Variants in COL6A3 observed in about 807,000 individuals in gnomAD.
The protein encoded by COL6A3 is collagen type VI alpha 3 chain.
Under a neutral mutation model 274.1 loss-of-function variants are expected in COL6A3, and 137 were observed. The ratio of observed to expected loss-of-function variants is 0.50; its 90% CI spans 0.44 to 0.58. The LOEUF (loss-of-function observed/expected upper bound fraction) is 0.58, where lower values mean the gene tolerates loss of function less well. COL6A3 is among the 20% of genes least tolerant of loss of function. COL6A3 has a pLI of 0.00. For synonymous variants in COL6A3, 1,650 were observed against 1,650.6 expected, an observed-to-expected ratio of 1.00 and a Z score of 0.01; for missense variants, 3,950 against 4,124.9, an observed-to-expected ratio of 0.96 and a Z score of 1.16.
rs2077622262 is a variant in COL6A3 at position 237,369,018 on chromosome 2, T to C, written c.4445A>G (p.Asn1482Ser). ...KVRVGVVQFS[N>S]DVFPEFYLKT... ...CAGATAGAATTCTGGGAAGACATCA[T>C]TGCTGAACTGCACGACCCCAACTCT... Residue 1482 changes from asparagine (N) to serine (S), a missense_variant, in exon 10 of 44, where the codon AAT becomes AGT. Coordinates refer to ENST00000295550, the MANE Select transcript of COL6A3 (RefSeq NM_004369.4). 6.2e-7 allele frequency: 1 copy of C among 1,614,224 alleles called. No individual in the cohort carries two copies. Among genetic ancestry groups the C allele is most frequent in the Admixed American group, 1.7e-5 (1 of 60,024 alleles).
At chr2:237,352,419 GGAGGTCTGTCTACAATAGCATCATCCGA>G in intron 26 of COL6A3, 75 bp downstream of exon 26, 1 of 1,138,958 alleles carries the variant, frequency 8.8e-7, no homozygotes, top group African/African-American at 1.5e-5. Flanking sequence ...AGAGCTAAAG[GGAGGTCTGTCTACAATAGCATCATCCGA>G]GAAACTCTCT....
chr2:237,347,198 C>T (rs866636364), intron 31 of COL6A3, among the ~76,000 whole-genome samples: 5 of 151,770 alleles, frequency 3.3e-5, no homozygotes, highest in South Asian at 2.1e-4. Flanking sequence ...TCGCTTGATC[C>T]CAGGAGATGG....
intron 24 of COL6A3, 151 bp downstream of exon 24, chr2:237,354,748 G>A: frequency 1.5e-6 from 1 of 672,894 alleles, no homozygotes; most frequent in Non-Finnish European, 2.5e-6. Context: ...TCACGGGCAT[G>A]TCTTTAACCT....
At chr2:237,337,843 C>T (rs757271125) in intron 39 of COL6A3, among the ~76,000 whole-genome samples, 2 of 152,048 alleles carry the variant, frequency 1.3e-5, no homozygotes, top group Non-Finnish European at 2.9e-5. Flanking sequence ...CAGGCAGCAG[C>T]ATCGGCATGG....
chr2:237,340,685 G>A lies in COL6A3; in HGVS notation c.8231C>T (p.Thr2744Met), dbSNP rs373680762. The A allele has an allele frequency of 2.5e-5, 40 of 1,614,064 alleles. No individual in the cohort carries two copies. The highest frequency in any genetic ancestry group is 6.7e-5 in the African/African-American group (5 of 74,918). The change falls in exon 38 of 44, where the codon ACG (threonine) becomes ATG (methionine). Residue 2744 changes from threonine to methionine, a missense_variant. This residue lies in a region of COL6A3 where 1,284 missense variants were observed against 1,349.7 expected (regional missense o/e 0.95). Coordinates refer to ENST00000295550, the MANE Select transcript of COL6A3 (RefSeq NM_004369.4). ...CAGCTGCTGCTCCGGCACCTCGCCC[G>A]TCAGCATCAGGACCACAATTTTCAG... The part of the protein sequence containing the change: ...RDLKIVVLML[T>M]GEVPEQQLEE...
At position 237,344,259 on chromosome 2, in the gene COL6A3, A is replaced by T; in HGVS notation, c.7668+91T>A. The T allele has an allele frequency of 6.3e-7, 1 of 1,595,760 alleles. No homozygotes were observed. Among genetic ancestry groups the T allele is most frequent in the Non-Finnish European group, 8.6e-7 (1 of 1,166,248 alleles). On this transcript the variant is annotated intron_variant, in intron 36 of 43. Transcript: ENST00000295550. The surrounding 1 kb of genome is among the most constrained non-coding windows in gnomAD (Gnocchi z 4.8). ...GGGGACGTTTTAGGAGCTATGGGAC[A>T]TGAAGCCACAAAGGAGCATGGACGT...
intron 41 of COL6A3, among the ~76,000 whole-genome samples, 188 bp from the exon 42 acceptor site, chr2:237,333,736 G>A (rs754505303): frequency 1.1e-4 from 16 of 152,188 alleles, no homozygotes; most frequent in Admixed American, 3.9e-4. Flanking sequence ...TTGGATCCAT[G>A]AGCTAATAAG....
intron 24 of COL6A3, among the ~76,000 whole-genome samples, chr2:237,354,343 C>A (rs2077271357): frequency 1.3e-5 from 2 of 151,440 alleles, no homozygotes; most frequent in Admixed American, 1.3e-4. Context: ...AAGCTGAATA[C>A]CTCCCTCACA....
rs778048349 is a variant in COL6A3 at position 237,354,881 on chromosome 2, G to A, written c.6627+18C>T. 3 of 1,611,742 alleles carry A rather than the reference G, an allele frequency of 1.9e-6. No homozygotes were observed. Among genetic ancestry groups the A allele is most frequent in the African/African-American group, 2.7e-5 (2 of 74,894 alleles). ...GCTGTTTGAAGAGAGTCTCCAGGGG[G>A]CACTGCATGAGGCTCACCTTAGCTC... On this transcript the variant is annotated intron_variant, in intron 24 of 43. Coordinates refer to ENST00000295550, the MANE Select transcript of COL6A3 (RefSeq NM_004369.4).
At chr2:237,333,908 A>G (rs560706889) in intron 41 of COL6A3, among the ~76,000 whole-genome samples, 2 of 152,272 alleles carry the variant, frequency 1.3e-5, no homozygotes, top group African/African-American at 4.8e-5. Context: ...CCTTTCCTCA[A>G]GCTGGTTCCT....
At position 237,336,234 on chromosome 2, in the gene COL6A3, C is replaced by T. The variant is rs773820329; in HGVS notation, c.8866G>A (p.Ala2956Thr). ...GCCACTGGTTTTGCAGCAGCAGCAG[C>T]GGGGGGTCTTACAGCTGCTGGCTTT... ...AAKPAAVRPP[A>T]AAAAKPVATK... Residue 2956 changes from alanine (A) to threonine (T), a missense_variant, in exon 40 of 44, where the codon GCT becomes ACT. This residue lies in a region of COL6A3 where 1,284 missense variants were observed against 1,349.7 expected (regional missense o/e 0.95). Coordinates refer to ENST00000295550, the MANE Select transcript of COL6A3 (RefSeq NM_004369.4). 1.5e-5 allele frequency: 24 copies of T among 1,613,240 alleles called. No homozygotes were observed. Among genetic ancestry groups the T allele is most frequent in the African/African-American group, 2.7e-5 (2 of 75,024 alleles).
intron 3 of COL6A3, among the ~76,000 whole-genome samples, chr2:237,390,616 T>C (rs1036800394): frequency 2.0e-5 from 3 of 152,252 alleles, no homozygotes; most frequent in Non-Finnish European, 2.9e-5. Context: ...AGTTTTACAG[T>C]GTCCAAGGAA....
rs375729697 is a variant in COL6A3 at position 237,324,752 on chromosome 2, A to G, written c.*22T>C. 1.5e-5 allele frequency: 24 copies of G among 1,613,150 alleles called. No homozygotes were observed. In the African/African-American group the frequency reaches 2.8e-4, roughly 19 times the overall value. On this transcript the variant is annotated 3_prime_UTR_variant, in exon 44 of 44. Transcript: ENST00000295550. Reference sequence around the variant, plus strand: ...GCTGACTCCTTCTTCTTCAAGAGGTATATGATGTTGGCCACCCACGCTTAG... The same window carrying G: ...GCTGACTCCTTCTTCTTCAAGAGGTGTATGATGTTGGCCACCCACGCTTAG...
intron 16 of COL6A3, 80 bp from the exon 17 acceptor site, chr2:237,360,239 G>C: frequency 7.3e-7 from 1 of 1,377,172 alleles, no homozygotes; most frequent in East Asian, 2.3e-5. Context: ...CAGCGTAAAG[G>C]GTACTGTGAA....
chr2:237,350,323 G>C, intron 27 of COL6A3, 114 bp from the exon 28 acceptor site: 1 of 883,918 alleles, frequency 1.1e-6, no homozygotes, highest in Non-Finnish European at 1.9e-6. Flanking sequence ...CTTCACCTTT[G>C]AGATTTCGGT....
In COL6A3 at chr2:237,387,619, C is replaced by A. The variant is rs370549716; in HGVS notation, c.1275G>T (p.Arg425Ser). The change falls in exon 4 of 44, where the codon AGG (arginine) becomes AGT (serine). Residue 425 changes from arginine to serine, a missense_variant. By Grantham distance (110) the Arg-to-Ser change is moderately radical. Coordinates refer to ENST00000295550, the MANE Select transcript of COL6A3 (RefSeq NM_004369.4). ...LLPYIVGVAQ[R>S]HIVLKPPTIV... ...TGGTTGGCGGTTTCAAGACAATGTG[C>A]CTTTGGGCCACGCCAACAATGTACG... is the stretch of plus-strand genomic sequence containing the variant. 11 of 1,613,726 alleles carry A rather than the reference C, an allele frequency of 6.8e-6. No individual in the cohort carries two copies. Among genetic ancestry groups the A allele is most frequent in the South Asian group, 1.1e-5 (1 of 90,952 alleles).
chr2:237,348,803 A>C, intron 28 of COL6A3, 140 bp from the exon 29 acceptor site: 1 of 749,050 alleles, frequency 1.3e-6, no homozygotes, highest in Non-Finnish European at 2.4e-6. Context: ...GAGTAGGCAC[A>C]CTTCCTGCTC....
intron 42 of COL6A3, chr2:237,330,165 T>G (rs908578122): frequency 3.3e-5 from 5 of 152,182 alleles, no homozygotes; most frequent in African/African-American, 1.2e-4. Context: ...AGTCTTAGCT[T>G]TAATAGTAAT....
chr2:237,392,104 G>A (rs2106384080), intron 3 of COL6A3, among the ~76,000 whole-genome samples: 1 of 152,272 alleles, frequency 6.6e-6, no homozygotes, highest in East Asian at 1.9e-4. Flanking sequence ...TCTTTCCTAT[G>A]GAGAAGCAGA....
Sources: gnomAD v4.1 joint callset for allele counts (sites outside exome capture counted in the v4.1 genomes callset) on GRCh38, gnomAD v4.1.1 for gene constraint, gnomAD v4.1.1 regional missense constraint, Gnocchi (gnomAD v3.1) non-coding constraint, MANE v1.5 for transcripts, NCBI Gene and HGNC (gene_info 2026-07-23, HGNC 2026-07-21) for gene names.